MALRD1: variants seen among roughly 807,000 people sequenced by gnomAD.
MALRD1 encodes the protein MAM and LDL receptor class A domain containing 1.
Under a neutral mutation model 242.1 loss-of-function variants are expected in MALRD1, and 247 were observed. That is an observed-to-expected ratio of 1.02 (90% CI 0.92 to 1.13). The LOEUF (loss-of-function observed/expected upper bound fraction) is 1.13, where lower values mean the gene tolerates loss of function less well. Ranked by LOEUF, MALRD1 falls within the 50% of genes most tolerant of loss-of-function variation. MALRD1 has a pLI of 0.00. For synonymous variants in MALRD1, 995 were observed against 866.6 expected (o/e 1.15, Z -2.60); for missense variants, 2,989 against 2,533.1 (o/e 1.18, Z -3.86).
chr10:19,316,672 A>T (rs1408142014), intron 21 of MALRD1, among the ~76,000 whole-genome samples: 2 of 151,786 alleles, frequency 1.3e-5, no homozygotes, highest in Admixed American at 1.3e-4. Flanking sequence ...GATGCTGTGG[A>T]AACTATGAGA....
chr10:19,084,731 T>G (rs1213888112), intron 2 of MALRD1, among the ~76,000 whole-genome samples: 3 of 152,038 alleles, frequency 2.0e-5, no homozygotes, highest in African/African-American at 7.2e-5. Flanking sequence ...CTTTCATATT[T>G]TATATACCTC....
At chr10:19,238,588 A>G (rs1451286127) in intron 18 of MALRD1, among the ~76,000 whole-genome samples, 1 of 88,082 alleles carries the variant, frequency 1.1e-5, no homozygotes, top group Non-Finnish European at 2.3e-5. Context: ...TATATTATAT[A>G]TATATAATTC....
chr10:19,603,023 G>C (rs191779021), intron 34 of MALRD1, among the ~76,000 whole-genome samples: 27 of 152,180 alleles, frequency 1.8e-4, no homozygotes, highest in African/African-American at 5.8e-4. Flanking sequence ...CATATCCTTT[G>C]CCCACCTGTT....
In MALRD1 at chr10:19,223,367, T is replaced by G. The variant is rs183460443; in HGVS notation, c.2991+13687T>G. ...GCCTTTTTCCAAACTGAAATCTGAT[T>G]GTAAACTTTTGAAAACTAGTTCCTT... On this transcript the variant is annotated intron_variant, in intron 18 of 39. Transcript: ENST00000454679. Among the ~76,000 whole-genome samples, 4 of 152,230 alleles carry G rather than the reference T, an allele frequency of 2.6e-5. No individual in the cohort carries two copies. The East Asian group carries it at 5.8e-4, about 22-fold the overall frequency.
chr10:19,200,428 G>A lies in MALRD1; in HGVS notation c.1952-3300G>A, dbSNP rs187153299. Among the ~76,000 whole-genome samples, 78 of 152,230 alleles carry A rather than the reference G, an allele frequency of 5.1e-4. 1 individual carries two copies. The South Asian group carries it at 0.011, about 22-fold the overall frequency. On this transcript the variant is annotated intron_variant, in intron 14 of 39. Coordinates refer to ENST00000454679, the MANE Select transcript of MALRD1 (RefSeq NM_001142308.3). ...TGTTCAAAGTTCAACCACATGATGC[G>A]TTAGGAGGTATTTCCTCCTATGAAT... is the stretch of plus-strand genomic sequence containing the variant.
intron 23 of MALRD1, among the ~76,000 whole-genome samples, chr10:19,330,041 C>T (rs1475369469): frequency 6.6e-6 from 1 of 152,048 alleles, no homozygotes; most frequent in Non-Finnish European, 1.5e-5. Flanking sequence ...TTATATTTTG[C>T]ATATCAATAT....
At chr10:19,248,194 T>G (rs535390054) in intron 18 of MALRD1, among the ~76,000 whole-genome samples, 1 of 152,064 alleles carries the variant, frequency 6.6e-6, no homozygotes, top group Non-Finnish European at 1.5e-5. Flanking sequence ...AAGTACTACA[T>G]AATAACTATG....
At chr10:19,655,176 C>CTTG (rs938679268) in intron 36 of MALRD1, among the ~76,000 whole-genome samples, 51 of 151,292 alleles carry the variant, frequency 3.4e-4, no homozygotes, top group East Asian at 1.4e-3. Context: ...GTTTTTTGTT[C>CTTG]TTGTTGTTGT....
At chr10:19,714,657 T>C (rs529435953) in intron 38 of MALRD1, among the ~76,000 whole-genome samples, 31 of 152,202 alleles carry the variant, frequency 2.0e-4, no homozygotes, top group African/African-American at 7.2e-4. Context: ...CCTCCCCGTA[T>C]CAATGTGACA....
At chr10:19,575,936 A>T (rs140357193) in intron 33 of MALRD1, among the ~76,000 whole-genome samples, 2 of 152,318 alleles carry the variant, frequency 1.3e-5, no homozygotes, top group African/African-American at 4.8e-5. Context: ...TTATGTTGTC[A>T]TTTCCAGAAA....
intron 31 of MALRD1, among the ~76,000 whole-genome samples, chr10:19,502,705 C>T (rs901159989): frequency 6.6e-6 from 1 of 152,080 alleles, no homozygotes; most frequent in African/African-American, 2.4e-5. Flanking sequence ...TGCCTGTGAG[C>T]TCGTTAGATA....
At chr10:19,268,547 A>T (rs1840060774) in intron 19 of MALRD1, among the ~76,000 whole-genome samples, 1 of 152,174 alleles carries the variant, frequency 6.6e-6, no homozygotes, top group African/African-American at 2.4e-5. Flanking sequence ...AGATTTTTAT[A>T]TTAAATATAT....
At chr10:19,501,416 A>G (rs764555802) in intron 31 of MALRD1, among the ~76,000 whole-genome samples, 2 of 152,192 alleles carry the variant, frequency 1.3e-5, no homozygotes, top group Non-Finnish European at 2.9e-5. Context: ...AGCCAAGGTA[A>G]CTTGTAAAAT....
At chr10:19,114,471 T>C (rs775501770) in intron 5 of MALRD1, among the ~76,000 whole-genome samples, 2 of 152,116 alleles carry the variant, frequency 1.3e-5, no homozygotes, top group Non-Finnish European at 2.9e-5. Context: ...ACCCCATCTC[T>C]ACTAAAAATA....
intron 29 of MALRD1, among the ~76,000 whole-genome samples, chr10:19,451,162 G>C (rs184643597): frequency 1.3e-5 from 2 of 152,106 alleles, no homozygotes; most frequent in African/African-American, 4.8e-5. Flanking sequence ...TTTTAAATGT[G>C]AGCCTAATAT....
intron 36 of MALRD1, among the ~76,000 whole-genome samples, chr10:19,682,707 A>G (rs937525563): frequency 6.6e-6 from 1 of 152,186 alleles, no homozygotes; most frequent in African/African-American, 2.4e-5. Flanking sequence ...TTTTGTTGCG[A>G]TATAATTCAC....
Position 19,705,804 on chromosome 10 carries a change from T to TAAAAAAAAAAAA in MALRD1, c.6314+13253_6314+13264dup, listed in dbSNP as rs61437328. ...ACCTTGTTCTCATGTCCTGCAATAG[T>TAAAAAAAAAAAA]AAAAAAAAAAAAAAGCCCACAAGAG... On this transcript the variant is annotated intron_variant, in intron 38 of 39. Coordinates refer to ENST00000454679, the MANE Select transcript of MALRD1 (RefSeq NM_001142308.3). Among the ~76,000 whole-genome samples, 28 of 102,880 alleles carry TAAAAAAAAAAAA rather than the reference T, an allele frequency of 2.7e-4. 1 individual carries two copies. Among genetic ancestry groups the TAAAAAAAAAAAA allele is most frequent in the African/African-American group, 4.8e-4 (10 of 21,012 alleles). 67.5% of individuals were successfully genotyped at this position (102,880 alleles called of 152,430 possible).
At chr10:19,559,482 T>C (rs1835868823) in intron 32 of MALRD1, among the ~76,000 whole-genome samples, 1 of 152,178 alleles carries the variant, frequency 6.6e-6, no homozygotes, top group South Asian at 2.1e-4. Flanking sequence ...TTATTTTTAA[T>C]TTTTAATTGA....
intron 31 of MALRD1, among the ~76,000 whole-genome samples, chr10:19,499,329 T>G (rs1017815662): frequency 1.3e-5 from 2 of 152,142 alleles, no homozygotes; most frequent in African/African-American, 4.8e-5. Flanking sequence ...GATGCTAATT[T>G]TATGTGTCAA....
Sources: allele counts gnomAD v4.1 joint callset (sites outside exome capture counted in the v4.1 genomes callset), GRCh38; gene constraint gnomAD v4.1.1; transcripts MANE v1.5; gene names NCBI Gene and HGNC (gene_info 2026-07-23, HGNC 2026-07-21).